Variants in ATP9A observed in about 807,000 individuals in gnomAD.
ATP9A encodes the protein ATPase phospholipid transporting 9A.
A neutral mutation model predicts 144.1 loss-of-function variants in ATP9A; 52 were observed. The ratio of observed to expected loss-of-function variants is 0.36; its 90% confidence interval spans 0.29 to 0.45. The LOEUF (loss-of-function observed/expected upper bound fraction) is 0.45. Among genes scored for constraint, ATP9A ranks in the 20% least tolerant of loss-of-function variants. The pLI, the probability that ATP9A is intolerant of heterozygous loss-of-function variation, is 1.00. For missense variants in ATP9A, 947 were observed against 1,392.7 expected (o/e 0.68, Z 5.09); for synonymous variants, 582 against 557.4 (o/e 1.04, Z -0.62).
intron 2 of ATP9A, among the ~76,000 whole-genome samples, chr20:51,726,889 CTTTT>C (rs55719132): frequency 2.1e-5 from 2 of 93,984 alleles, no homozygotes; most frequent in African/African-American, 7.7e-5. Flanking sequence ...TGTGTTATTT[CTTTT>C]TTTTTTTTTT....
At chr20:51,696,196 G>A (rs1279056821) in intron 5 of ATP9A, 52 bp from the exon 6 acceptor site, 1 of 1,578,666 alleles carries the variant, frequency 6.3e-7, no homozygotes, top group Non-Finnish European at 8.7e-7. Flanking sequence ...CGTGTGCTGT[G>A]CGGTGGGGAG....
At chr20:51,602,867 T>G (rs1182645419) in intron 27 of ATP9A, among the ~76,000 whole-genome samples, 1 of 152,218 alleles carries the variant, frequency 6.6e-6, no homozygotes, top group Non-Finnish European at 1.5e-5. Flanking sequence ...TGTATCTGTT[T>G]ATAATATTAT....
At chr20:51,689,252 T>G in intron 8 of ATP9A, 113 bp from the exon 9 acceptor site, 1 of 1,087,094 alleles carries the variant, frequency 9.2e-7, no homozygotes, top group South Asian at 1.5e-5. Flanking sequence ...CCGATGAACC[T>G]GGAAGCCCAG....
intron 1 of ATP9A, among the ~76,000 whole-genome samples, chr20:51,747,090 G>C (rs1268662364): frequency 4.6e-5 from 6 of 130,820 alleles, no homozygotes; most frequent in Admixed American, 3.2e-4. Flanking sequence ...CTAAGGTCTG[G>C]GTTTTTCGTT....
chr20:51,756,533 C>T (rs2077856979), intron 1 of ATP9A, among the ~76,000 whole-genome samples: 1 of 152,030 alleles, frequency 6.6e-6, no homozygotes. Context: ...TCAGGTGATC[C>T]ACCTGCCTCA....
chr20:51,628,370 G>A (rs1225013614), intron 16 of ATP9A, among the ~76,000 whole-genome samples: 1 of 152,090 alleles, frequency 6.6e-6, no homozygotes, highest in African/African-American at 2.4e-5. Context: ...CTCACATTCT[G>A]GTATAATCGC....
intron 1 of ATP9A, 104 bp downstream of exon 1, chr20:51,768,198 C>T: frequency 1.5e-6 from 1 of 664,214 alleles, no homozygotes. Flanking sequence ...GCTCATGGCG[C>T]CGGGCGCGGC....
intron 4 of ATP9A, among the ~76,000 whole-genome samples, chr20:51,700,461 G>A (rs182091852): frequency 1.6e-4 from 25 of 152,298 alleles, no homozygotes; most frequent in Admixed American, 3.9e-4. Context: ...GACCAAGGCT[G>A]CTGTGAGCTG....
rs1344811444 is a variant in ATP9A, at chr20:51,607,579, C to A, written c.2751G>T (p.Arg917=). 6.2e-7 allele frequency: 1 copy of A among 1,613,002 alleles called. No individual in the cohort carries two copies. The highest frequency in any genetic ancestry group is 2.2e-5 in the East Asian group (1 of 44,880). ...TTAAGAATGTCTTGTAGGACAACGG[C>A]CGTCCCTGAATGAGAGACAGAGAAA... The part of the protein sequence containing the change: ...PELYKDLLKG[R]PLSYKTFLIW... Residue 917 remains arginine, a synonymous_variant, in exon 26 of 28, where the codon CGG becomes CGT. Transcript: ENST00000338821.
intron 13 of ATP9A, 98 bp from the exon 14 acceptor site, chr20:51,657,248 G>A: frequency 2.1e-6 from 2 of 955,106 alleles, no homozygotes; most frequent in Non-Finnish European, 3.2e-6. Context: ...TTTTTCTACT[G>A]TTCCAACACA....
At chr20:51,605,430 C>G (rs570903152) in intron 26 of ATP9A, among the ~76,000 whole-genome samples, 5 of 152,070 alleles carry the variant, frequency 3.3e-5, no homozygotes, top group Admixed American at 3.3e-4. Context: ...CCAGCTTGGG[C>G]AACAAGGTGA....
At chr20:51,674,118 C>T (rs775125700) in intron 11 of ATP9A, 35 bp downstream of exon 11, 1 of 1,602,862 alleles carries the variant, frequency 6.2e-7, no homozygotes. Context: ...AAGAAGATGT[C>T]ACGGCAGCCA....
At chr20:51,679,723 C>T (rs2077492079) in intron 9 of ATP9A, among the ~76,000 whole-genome samples, 3 of 152,278 alleles carry the variant, frequency 2.0e-5, no homozygotes, top group Middle Eastern at 6.8e-3. Flanking sequence ...AGGCATTTCA[C>T]GGAGTTCTAA....
At chr20:51,710,527 C>G (rs543783831) in intron 4 of ATP9A, among the ~76,000 whole-genome samples, 6 of 152,198 alleles carry the variant, frequency 3.9e-5, no homozygotes, top group Admixed American at 1.3e-4. Context: ...GGCCCTCCCC[C>G]CAAAAGCGTA....
At chr20:51,615,824 C>T (rs1053103729) in intron 22 of ATP9A, among the ~76,000 whole-genome samples, 3 of 152,024 alleles carry the variant, frequency 2.0e-5, no homozygotes, top group South Asian at 2.1e-4. Flanking sequence ...TTAGTAGAGA[C>T]GGGGTCTCAC....
At chr20:51,712,144 C>G (rs1413207977) in intron 4 of ATP9A, among the ~76,000 whole-genome samples, 1 of 149,424 alleles carries the variant, frequency 6.7e-6, no homozygotes, top group African/African-American at 2.5e-5. Flanking sequence ...GCGGTCTATG[C>G]TCACTGCAAC....
At chr20:51,690,398 C>T (rs984102218) in intron 8 of ATP9A, among the ~76,000 whole-genome samples, 20 of 152,012 alleles carry the variant, frequency 1.3e-4, no homozygotes, top group South Asian at 8.3e-4. Context: ...CCAGCCTGGG[C>T]AACAGAGCAA....
At chr20:51,658,498 G>T (rs927668186) in intron 13 of ATP9A, among the ~76,000 whole-genome samples, 1 of 150,496 alleles carries the variant, frequency 6.6e-6, no homozygotes, top group Non-Finnish European at 1.5e-5. Flanking sequence ...GTCACACATC[G>T]GGTGCCACCT....
Position 51,697,447 on chromosome 20 carries a change from C to T in ATP9A, c.472G>A (p.Gly158Arg). ...VKVKSSNIQV[G>R]DLIIVEKNQR... ...ACCTTTTCAACGATGATAAGGTCTCCAACTTGGATGTTAGAACTCTTCACC... is the reference window on the plus strand; with the variant it reads ...ACCTTTTCAACGATGATAAGGTCTCTAACTTGGATGTTAGAACTCTTCACC... Residue 158 changes from glycine (G) to arginine (R), a missense_variant, in exon 5 of 28, where the codon GGA becomes AGA. Gly to Arg is a moderately radical substitution (Grantham distance 125). Around this residue, in one of 2 missense-constraint regions of ATP9A, gnomAD observed 770 missense variants for 1,047.9 expected, o/e 0.73. Coordinates refer to ENST00000338821, the MANE Select transcript of ATP9A (RefSeq NM_006045.3). 1 of 1,613,574 alleles carries T rather than the reference C, an allele frequency of 6.2e-7. No homozygotes were observed. The highest frequency in any genetic ancestry group is 1.7e-4 in the Middle Eastern group (1 of 6,060).
Sources: allele counts gnomAD v4.1 joint callset (sites outside exome capture counted in the v4.1 genomes callset), GRCh38; gene constraint gnomAD v4.1.1; regional missense constraint gnomAD v4.1.1; transcripts MANE v1.5; gene names NCBI Gene and HGNC (gene_info 2026-07-23, HGNC 2026-07-21).